The following CDC14B variants were observed in gnomAD, a reference collection of about 807,000 sequenced individuals.
CDC14B encodes the protein dual specificity protein phosphatase CDC14B.
In CDC14B, 22 loss-of-function variants were observed where a neutral mutation model predicts 64.2. The observed-to-expected ratio is 0.34, with a 90% CI of 0.24 to 0.49. The LOEUF (loss-of-function observed/expected upper bound fraction) is 0.49. Among genes scored for constraint, CDC14B ranks in the 20% least tolerant of loss-of-function variants. The pLI is 0.99. For synonymous variants in CDC14B, 191 were observed against 215.8 expected (o/e 0.89, Z 1.01); for missense variants, 498 against 629.9 (o/e 0.79, Z 2.24).
rs372036730 is a variant in CDC14B at position 96,509,760 on chromosome 9, C to T, written c.1373G>A (p.Cys458Tyr). 3.7e-5 allele frequency: 60 copies of T among 1,608,296 alleles called. No individual in the cohort carries two copies. The highest frequency in any genetic ancestry group is 5.0e-5 in the Non-Finnish European group (59 of 1,175,112). Residue 458 changes from cysteine to tyrosine, a missense_variant, in exon 13 of 14, where the codon TGT becomes TAT. Transcript: ENST00000375241. ...TVILQSSVQS[C>Y]KTSEPNISGS... ...AGAAATGTTAGGTTCAGATGTTTTACAGCTCTGAACACTGGATTGAAGAAT... is the reference window on the plus strand; with the variant it reads ...AGAAATGTTAGGTTCAGATGTTTTATAGCTCTGAACACTGGATTGAAGAAT...
intron 13 of CDC14B, among the ~76,000 whole-genome samples, chr9:96,508,089 C>G (rs1834407835): frequency 6.6e-6 from 1 of 151,814 alleles, no homozygotes; most frequent in African/African-American, 2.4e-5. Context: ...GATCATGACT[C>G]ACTGAAACCT....
chr9:96,619,176 T>C, intron 1 of CDC14B, 43 bp downstream of exon 1: 2 of 1,220,456 alleles, frequency 1.6e-6, no homozygotes, highest in Non-Finnish European at 2.0e-6. Context: ...CCGCGCCGGG[T>C]GCGGCCGTCC....
chr9:96,552,516 T>A (rs1179638658), intron 4 of CDC14B, among the ~76,000 whole-genome samples: 1 of 152,228 alleles, frequency 6.6e-6, no homozygotes, highest in Non-Finnish European at 1.5e-5. Flanking sequence ...CCTTGACATT[T>A]TTTATTTGAC....
At chr9:96,522,641 T>G (rs750643254) in intron 11 of CDC14B, 38 bp from the exon 12 acceptor site, 3 of 1,338,436 alleles carry the variant, frequency 2.2e-6, no homozygotes, top group Non-Finnish European at 3.2e-6. Context: ...ATGATTTAAG[T>G]TGCACTTATT....
At chr9:96,526,329 C>T (rs1240264182) in intron 9 of CDC14B, among the ~76,000 whole-genome samples, 1 of 152,140 alleles carries the variant, frequency 6.6e-6, no homozygotes, top group African/African-American at 2.4e-5. Flanking sequence ...GATCGCGCCA[C>T]TTTACTCCAG....
chr9:96,502,163 C>T lies in CDC14B; in HGVS notation c.*1590G>A, dbSNP rs1833611429. 6.6e-6 allele frequency: 1 copy of T among 152,074 alleles called. No homozygotes were observed. Among genetic ancestry groups the T allele is most frequent in the Non-Finnish European group, 1.5e-5 (1 of 68,014 alleles). 9.4% of individuals were successfully genotyped at this position (152,074 alleles called of 1,614,324 possible). The stretch of plus-strand genomic sequence containing the variant: ...ACCACTGTTTTTCTGTGATCCAGTC[C>T]CCAGTGTTTAAAAGCTGGCCTGACC... On this transcript the variant is annotated 3_prime_UTR_variant, in exon 14 of 14. Coordinates refer to ENST00000375241, the MANE Select transcript of CDC14B (RefSeq NM_033331.4).
intron 13 of CDC14B, among the ~76,000 whole-genome samples, chr9:96,504,352 C>T (rs1833844030): frequency 6.6e-6 from 1 of 152,068 alleles, no homozygotes; most frequent in Non-Finnish European, 1.5e-5. Context: ...CTCTCCTTCC[C>T]CAGTTCACGA....
chr9:96,541,617 A>C (rs1177092749), intron 6 of CDC14B, among the ~76,000 whole-genome samples: 1 of 152,240 alleles, frequency 6.6e-6, no homozygotes, highest in East Asian at 1.9e-4. Flanking sequence ...TTTTCCCCCA[A>C]CTCATACATA....
intron 1 of CDC14B, among the ~76,000 whole-genome samples, chr9:96,578,829 TTTTC>T (rs1434638633): frequency 6.6e-6 from 1 of 152,170 alleles, no homozygotes; most frequent in Non-Finnish European, 1.5e-5. Flanking sequence ...TTTCTTTTTC[TTTTC>T]TTTGAGACGG....
intron 12 of CDC14B, among the ~76,000 whole-genome samples, chr9:96,519,054 T>C (rs1836229159): frequency 6.6e-6 from 1 of 152,012 alleles, no homozygotes; most frequent in Non-Finnish European, 1.5e-5. Flanking sequence ...GAGAATGGCA[T>C]GATCCCAGGA....
chr9:96,599,251 G>C (rs1416779556), intron 1 of CDC14B, among the ~76,000 whole-genome samples: 1 of 151,960 alleles, frequency 6.6e-6, no homozygotes, highest in Non-Finnish European at 1.5e-5. Flanking sequence ...CATCATGATG[G>C]GTGCCTGTAA....
intron 1 of CDC14B, among the ~76,000 whole-genome samples, chr9:96,581,267 T>C (rs549566815): frequency 4.0e-4 from 60 of 149,852 alleles, no homozygotes; most frequent in Middle Eastern, 3.6e-3. Context: ...TTGTATCCAA[T>C]GAAGCACAAA....
At chr9:96,527,177 A>G (rs1194572472) in intron 9 of CDC14B, among the ~76,000 whole-genome samples, 1 of 152,142 alleles carries the variant, frequency 6.6e-6, no homozygotes, top group African/African-American at 2.4e-5. Flanking sequence ...AGGCCGAGGC[A>G]GGTGGATCAC....
chr9:96,579,513 G>A (rs1224478028), intron 1 of CDC14B, among the ~76,000 whole-genome samples: 1 of 151,834 alleles, frequency 6.6e-6, no homozygotes, highest in Non-Finnish European at 1.5e-5. Flanking sequence ...CTGAACCCGG[G>A]AGGCGGAGCT....
In CDC14B at chr9:96,501,022, TA is replaced by T. The variant is rs570653039; in HGVS notation, c.*2730del. 4 of 152,342 alleles carry T rather than the reference TA, an allele frequency of 2.6e-5. No individual in the cohort carries two copies. The highest frequency in any genetic ancestry group is 4.4e-5 in the Non-Finnish European group (3 of 68,158). The allele number at this position is 152,342 out of a possible 1,614,324, so 9.4% of individuals were successfully genotyped here. A position where few individuals can be genotyped will look rare whatever the true frequency, so the allele number is the denominator to read the frequency against. On this transcript the variant is annotated 3_prime_UTR_variant, in exon 14 of 14. Transcript: ENST00000375241. ...GGGAGGAAGTAGGTAGGGGACAGGCTAGGGGCATCAAGCTCAGAACAGGGGA... is the reference window on the plus strand; with the variant it reads ...GGGAGGAAGTAGGTAGGGGACAGGCTGGGGCATCAAGCTCAGAACAGGGGA...
rs994230099 is a variant in CDC14B, at chr9:96,523,156, C to A, written c.1245+105G>T. 3.2e-6 allele frequency: 4 copies of A among 1,231,862 alleles called. No individual in the cohort carries two copies. The Admixed American group carries it at 8.7e-5, about 27-fold the overall frequency. 76.3% of individuals were successfully genotyped at this position (1,231,862 alleles called of 1,614,324 possible). A position where few individuals can be genotyped will look rare whatever the true frequency, so the allele number is the denominator to read the frequency against. ...ATAAATATAAAAAACTGACAATCAT[C>A]CAAGAGCTGCTTTATTATTTTACCT... On this transcript the variant is annotated intron_variant, in intron 11 of 13. Transcript: ENST00000375241.
chr9:96,549,843 A>G (rs995710266), intron 5 of CDC14B, among the ~76,000 whole-genome samples: 1 of 152,208 alleles, frequency 6.6e-6, no homozygotes, highest in African/African-American at 2.4e-5. Flanking sequence ...CCAAACTTTA[A>G]TAATTTGAAA....
intron 1 of CDC14B, among the ~76,000 whole-genome samples, chr9:96,568,741 C>T (rs1006490203): frequency 2.0e-5 from 3 of 151,990 alleles, no homozygotes; most frequent in African/African-American, 7.3e-5. Context: ...CATGGTGAAA[C>T]CCTGACTCTA....
chr9:96,608,352 A>G (rs1221469950), intron 1 of CDC14B, among the ~76,000 whole-genome samples: 1 of 152,234 alleles, frequency 6.6e-6, no homozygotes, highest in Non-Finnish European at 1.5e-5. Flanking sequence ...CATTGTCAGA[A>G]AGAAAAGAGA....
Sources: allele counts gnomAD v4.1 joint callset (sites outside exome capture counted in the v4.1 genomes callset), GRCh38; gene constraint gnomAD v4.1.1; transcripts MANE v1.5; gene names NCBI Gene and HGNC (gene_info 2026-07-23, HGNC 2026-07-21).